The following CSTPP1 variants were observed in gnomAD, a reference collection of about 807,000 sequenced individuals.
The protein encoded by CSTPP1 is centriolar satellite-associated tubulin polyglutamylase complex regulator 1.
chr11:47,155,424 G>A, the CSTPP1 span, among the ~76,000 whole-genome samples: 1 of 152,242 alleles, frequency 6.6e-6, no homozygotes, highest in East Asian at 1.9e-4. Context: ...AGTGTTCAGT[G>A]GTGGTCACAA....
At chr11:47,116,576 C>T in the CSTPP1 span, among the ~76,000 whole-genome samples, 2 of 151,626 alleles carry the variant, frequency 1.3e-5, no homozygotes, top group South Asian at 2.1e-4. Flanking sequence ...TATGTAATGG[C>T]CTTCTTTGTC....
At chr11:47,119,539 G>A in the CSTPP1 span, among the ~76,000 whole-genome samples, 15 of 151,350 alleles carry the variant, frequency 9.9e-5, no homozygotes, top group Non-Finnish European at 1.9e-4. Flanking sequence ...TTCGGCATAG[G>A]TCATGCTGGG....
At chr11:47,054,796 A>G in the CSTPP1 span, among the ~76,000 whole-genome samples, 1 of 152,202 alleles carries the variant, frequency 6.6e-6, no homozygotes, top group African/African-American at 2.4e-5. Context: ...GATAGAATCC[A>G]TAGGATTTGG....
At chr11:47,091,381 A>T in the CSTPP1 span, among the ~76,000 whole-genome samples, 1 of 152,144 alleles carries the variant, frequency 6.6e-6, no homozygotes, top group African/African-American at 2.4e-5. Context: ...CTCAAAAAAA[A>T]AAAAAATTTT....
chr11:46,970,857 A>G, the CSTPP1 span, among the ~76,000 whole-genome samples: 1 of 152,208 alleles, frequency 6.6e-6, no homozygotes, highest in Non-Finnish European at 1.5e-5. Context: ...GAAAAATTAG[A>G]ATCAATCCAC....
the CSTPP1 span, among the ~76,000 whole-genome samples, chr11:46,947,369 A>G: frequency 2.0e-5 from 3 of 152,244 alleles, no homozygotes; most frequent in African/African-American, 7.2e-5. Context: ...ATTTCAAGTC[A>G]AAACACATTT....
the CSTPP1 span, among the ~76,000 whole-genome samples, chr11:47,141,908 G>C: frequency 2.9e-5 from 4 of 139,140 alleles, no homozygotes; most frequent in East Asian, 8.3e-4. Context: ...ACTCCAGCCT[G>C]GGCAACAGAG....
chr11:47,147,576 C>A, the CSTPP1 span, among the ~76,000 whole-genome samples: 1 of 152,116 alleles, frequency 6.6e-6, no homozygotes, highest in Non-Finnish European at 1.5e-5. Context: ...AGTCCTTCTG[C>A]GGGCAGCTGC....
chr11:47,146,618 A>G, the CSTPP1 span, among the ~76,000 whole-genome samples: 1 of 152,234 alleles, frequency 6.6e-6, no homozygotes, highest in Non-Finnish European at 1.5e-5. Flanking sequence ...AGGATGTGAA[A>G]TAGTGGGAAC....
chr11:47,108,123 C>T, the CSTPP1 span, among the ~76,000 whole-genome samples: 4 of 152,372 alleles, frequency 2.6e-5, no homozygotes, highest in Middle Eastern at 3.4e-3. Context: ...ATAGCAAACC[C>T]AGTATGAATA....
chr11:47,008,639 C>A, the CSTPP1 span, among the ~76,000 whole-genome samples: 1 of 151,974 alleles, frequency 6.6e-6, no homozygotes. Flanking sequence ...CTGTGCCTAG[C>A]CAATATCTGA....
the CSTPP1 span, among the ~76,000 whole-genome samples, chr11:46,988,436 T>C: frequency 6.6e-6 from 1 of 152,114 alleles, no homozygotes; most frequent in African/African-American, 2.4e-5. Flanking sequence ...TGAAGATCAT[T>C]ATGTTAAGTG....
the CSTPP1 span, among the ~76,000 whole-genome samples, chr11:46,949,201 G>T: frequency 3.8e-3 from 585 of 152,302 alleles, 3 homozygotes; most frequent in Non-Finnish European, 5.4e-3. Flanking sequence ...CTCACAGAGG[G>T]TTGAGAGGCT....
At chr11:47,161,196 T>C in the CSTPP1 span, 1 of 1,614,128 alleles carries the variant, frequency 6.2e-7, no homozygotes, top group Non-Finnish European at 8.5e-7. Flanking sequence ...CGGCTGTAAG[T>C]GTCAAGTGGG....
the CSTPP1 span, chr11:47,157,198 G>A: frequency 6.3e-7 from 1 of 1,595,462 alleles, no homozygotes; most frequent in Non-Finnish European, 8.5e-7. Flanking sequence ...TGGAAAACCT[G>A]TGTGATCGGC....
At chr11:47,101,180 TTTTTTTTTTATTTTA>T in the CSTPP1 span, among the ~76,000 whole-genome samples, 13 of 96,168 alleles carry the variant, frequency 1.4e-4, no homozygotes, top group Middle Eastern at 9.1e-3. Flanking sequence ...TTTTTTTTTT[TTTTTTTTTTATTTTA>T]TTTTTAGTAG....
chr11:47,013,049 T>C, the CSTPP1 span, among the ~76,000 whole-genome samples: 1 of 147,294 alleles, frequency 6.8e-6, no homozygotes, highest in South Asian at 2.1e-4. Flanking sequence ...TATGTTATTA[T>C]ATAAATAATA....
chr11:47,140,513 C>A, the CSTPP1 span, among the ~76,000 whole-genome samples: 1 of 152,126 alleles, frequency 6.6e-6, no homozygotes, highest in African/African-American at 2.4e-5. Flanking sequence ...GCCTTCACCC[C>A]GCCTCTCCCT....
chr11:46,939,244 C>A, the CSTPP1 span, among the ~76,000 whole-genome samples: 22 of 151,888 alleles, frequency 1.4e-4, no homozygotes, highest in African/African-American at 4.8e-4. Context: ...GCATGCGCCA[C>A]CACGCCTGGC....
Sources: gnomAD v4.1 joint callset for allele counts (sites outside exome capture counted in the v4.1 genomes callset) on GRCh38, gnomAD v4.1.1 for gene constraint, MANE v1.5 for transcripts, NCBI Gene and HGNC (gene_info 2026-07-23, HGNC 2026-07-21) for gene names.